PTP4A2: variants seen among roughly 807,000 people sequenced by gnomAD.
PTP4A2 encodes the protein protein tyrosine phosphatase type IVA 2.
In PTP4A2, 2 loss-of-function variants were observed where a neutral mutation model predicts 22.9. The ratio of observed to expected loss-of-function variants is 0.09; its 90% confidence interval spans 0.04 to 0.27. The LOEUF (loss-of-function observed/expected upper bound fraction) is 0.27, where lower values mean the gene tolerates loss of function less well. Among genes scored for constraint, PTP4A2 ranks in the 10% least tolerant of loss-of-function variants. The pLI is 1.00. For synonymous variants in PTP4A2, 68 were observed against 69.1 expected (o/e 0.98, Z 0.08); for missense variants, 103 against 205.1 (o/e 0.50, Z 3.04).
intron 2 of PTP4A2, among the ~76,000 whole-genome samples, chr1:31,918,248 C>CAAA (rs111227977): frequency 1.9e-5 from 2 of 105,164 alleles, no homozygotes; most frequent in African/African-American, 3.5e-5. Context: ...CTCCATCTCC[C>CAAA]AAAAAAAAAA....
intron 5 of PTP4A2, among the ~76,000 whole-genome samples, chr1:31,909,718 T>C (rs893041382): frequency 1.3e-5 from 2 of 151,806 alleles, no homozygotes; most frequent in African/African-American, 4.8e-5. Flanking sequence ...CCTCTACACA[T>C]TCTTCTTGCC....
At chr1:31,928,515 C>G (rs995808314) in intron 1 of PTP4A2, among the ~76,000 whole-genome samples, 2 of 151,626 alleles carry the variant, frequency 1.3e-5, no homozygotes, top group Non-Finnish European at 2.9e-5. Flanking sequence ...GCCTGGCCAA[C>G]ATGGCAAAAC....
Position 31,911,819 on chromosome 1 carries a change from G to A in PTP4A2, c.197C>T (p.Pro66Leu), listed in dbSNP as rs1233297402. 8 of 1,568,270 alleles carry A rather than the reference G, an allele frequency of 5.1e-6. No individual in the cohort carries two copies. Among genetic ancestry groups the A allele is most frequent in the Non-Finnish European group, 6.9e-6 (8 of 1,162,902 alleles). ...EKEGIHVLDWPFDDGAPPPNQ... is the reference protein window; with the variant it reads ...EKEGIHVLDWLFDDGAPPPNQ... Reference sequence around the variant, plus strand: ...AGGGGGTGGAGCTCCATCATCAAATGGCCAATCCTGAAAAGAAATGACCTT... The same window carrying A: ...AGGGGGTGGAGCTCCATCATCAAATAGCCAATCCTGAAAAGAAATGACCTT... The change falls in exon 4 of 6, where the codon CCA becomes CTA. Residue 66 changes from proline (P) to leucine (L), a missense_variant. Pro to Leu is a moderately conservative substitution (Grantham distance 98, BLOSUM62 -3). This residue lies in a region of PTP4A2 where 66 missense variants were observed against 113.0 expected (regional missense o/e 0.58). Coordinates refer to ENST00000647444, the MANE Select transcript of PTP4A2 (RefSeq NM_080391.4).
At chr1:31,926,149 A>AATATAT (rs1553212254) in intron 1 of PTP4A2, among the ~76,000 whole-genome samples, 9 of 131,340 alleles carry the variant, frequency 6.9e-5, no homozygotes, top group East Asian at 2.1e-4. Flanking sequence ...AAAAAAAAAA[A>AATATAT]ATATATATAT....
chr1:31,925,714 C>G (rs928382551), intron 1 of PTP4A2, among the ~76,000 whole-genome samples: 5 of 151,092 alleles, frequency 3.3e-5, no homozygotes, highest in African/African-American at 1.2e-4. Flanking sequence ...GACCCAAGAT[C>G]GCACCACTGC....
chr1:31,911,014 C>T (rs976988985), intron 4 of PTP4A2: 3 of 152,198 alleles, frequency 2.0e-5, no homozygotes, highest in Non-Finnish European at 4.4e-5. Context: ...AAACTGCCAA[C>T]TCACGTTACA....
chr1:31,936,158 C>T (rs890519899), intron 1 of PTP4A2, among the ~76,000 whole-genome samples: 3 of 151,952 alleles, frequency 2.0e-5, no homozygotes, highest in Admixed American at 2.0e-4. Flanking sequence ...TGTTCACTAT[C>T]AAAAGGACCA....
At chr1:31,922,619 TTTCTTTCTTTCTTTCTTTTA>T (rs2124211352) in intron 1 of PTP4A2, among the ~76,000 whole-genome samples, 3 of 136,484 alleles carry the variant, frequency 2.2e-5, no homozygotes, top group African/African-American at 1.0e-4. Flanking sequence ...TCTTTCTTTC[TTTCTTTCTTTCTTTCTTTTA>T]TTTATTTTGA....
intron 2 of PTP4A2, among the ~76,000 whole-genome samples, chr1:31,917,225 G>A (rs1651894596): frequency 6.6e-6 from 1 of 152,192 alleles, no homozygotes. Flanking sequence ...GGGCATACAG[G>A]CGTAGAATCA....
intron 1 of PTP4A2, among the ~76,000 whole-genome samples, chr1:31,928,223 A>C (rs1333002113): frequency 1.9e-5 from 2 of 102,874 alleles, no homozygotes; most frequent in African/African-American, 7.1e-5. Context: ...ATATAAATAT[A>C]ATAATATAAT....
At chr1:31,918,840 C>A in intron 2 of PTP4A2, 130 bp downstream of exon 2, 1 of 573,204 alleles carries the variant, frequency 1.7e-6, no homozygotes, top group East Asian at 3.1e-5. Flanking sequence ...TGTAACTAAC[C>A]CAACCCAATT....
In PTP4A2 at chr1:31,911,788, C is replaced by T; in HGVS notation, c.228G>A (p.Gln76=). The change falls in exon 4 of 6, where the codon CAG becomes CAA. Residue 76 remains glutamine (Q), a synonymous_variant. Coordinates refer to ENST00000647444, the MANE Select transcript of PTP4A2 (RefSeq NM_080391.4). ...ACAGGTTTAACCAATCATCTACTATCTGATTAGGGGGTGGAGCTCCATCAT... is the reference window on the plus strand; with the variant it reads ...ACAGGTTTAACCAATCATCTACTATTTGATTAGGGGGTGGAGCTCCATCAT... ...PFDDGAPPPN[Q]IVDDWLNLLK... 6.3e-7 allele frequency: 1 copy of T among 1,598,030 alleles called. No individual in the cohort carries two copies.
chr1:31,914,924 C>G (rs998016201), intron 3 of PTP4A2, among the ~76,000 whole-genome samples: 1 of 152,180 alleles, frequency 6.6e-6, no homozygotes, highest in African/African-American at 2.4e-5. Flanking sequence ...GTATCAGAAA[C>G]TATGCTGATT....
chr1:31,913,733 T>A (rs1038688946), intron 3 of PTP4A2: 1 of 448,002 alleles, frequency 2.2e-6, no homozygotes, highest in Admixed American at 2.4e-5. Flanking sequence ...ACCATTATCT[T>A]CCTCAAACTA....
At chr1:31,931,476 G>A (rs1046130359) in intron 1 of PTP4A2, among the ~76,000 whole-genome samples, 3 of 152,156 alleles carry the variant, frequency 2.0e-5, no homozygotes, top group Non-Finnish European at 2.9e-5. Context: ...CTGAGAAAAA[G>A]AGCAAATATT....
intron 1 of PTP4A2, among the ~76,000 whole-genome samples, chr1:31,929,231 T>G (rs1486686234): frequency 6.6e-6 from 1 of 152,246 alleles, no homozygotes; most frequent in Non-Finnish European, 1.5e-5. Context: ...TAAATAAAAT[T>G]TAAATGCAGG....
At chr1:31,931,460 T>A (rs1457074774) in intron 1 of PTP4A2, among the ~76,000 whole-genome samples, 1 of 152,192 alleles carries the variant, frequency 6.6e-6, no homozygotes, top group African/African-American at 2.4e-5. Flanking sequence ...AGCAACTCTT[T>A]GCTCACTGAG....
intron 5 of PTP4A2, among the ~76,000 whole-genome samples, 159 bp from the exon 6 acceptor site, chr1:31,909,119 T>C (rs1256692669): frequency 6.6e-6 from 1 of 152,218 alleles, no homozygotes; most frequent in African/African-American, 2.4e-5. Context: ...AGTTGCAACA[T>C]GAACTTTCTA....
intron 1 of PTP4A2, among the ~76,000 whole-genome samples, chr1:31,926,209 G>A (rs1318524753): frequency 2.0e-5 from 3 of 147,476 alleles, no homozygotes; most frequent in Non-Finnish European, 4.5e-5. Flanking sequence ...GGATTTCTAA[G>A]AAATCATCCC....
Sources: allele counts gnomAD v4.1 joint callset (sites outside exome capture counted in the v4.1 genomes callset), GRCh38; gene constraint gnomAD v4.1.1; regional missense constraint gnomAD v4.1.1; transcripts MANE v1.5; gene names NCBI Gene and HGNC (gene_info 2026-07-23, HGNC 2026-07-21).